Variants in GRIP1 observed in about 807,000 individuals in gnomAD.
GRIP1 encodes glutamate receptor interacting protein 1.
GRIP1 carries 45 observed loss-of-function variants against 129.9 expected under a neutral mutation model. The ratio of observed to expected loss-of-function variants is 0.35; its 90% CI spans 0.27 to 0.44. GRIP1 has a LOEUF of 0.44. GRIP1 is among the 20% of genes least tolerant of loss of function. The pLI, the probability that GRIP1 is intolerant of heterozygous loss-of-function variation, is 1.00. For missense variants in GRIP1, 1,196 were observed against 1,396.8 expected (o/e 0.86, Z 2.29); for synonymous variants, 530 against 520.8 (o/e 1.02, Z -0.24).
chr12:66,553,821 C>G (rs973430983), intron 2 of GRIP1, among the ~76,000 whole-genome samples: 1 of 151,870 alleles, frequency 6.6e-6, no homozygotes, highest in Non-Finnish European at 1.5e-5. Context: ...AAAGCAATAC[C>G]AAGCAGAAGT....
intron 7 of GRIP1, among the ~76,000 whole-genome samples, chr12:66,484,780 G>C (rs935843293): frequency 1.3e-5 from 2 of 152,132 alleles, no homozygotes; most frequent in African/African-American, 4.8e-5. Flanking sequence ...GGTGACTATA[G>C]TTACCAACAC....
At chr12:66,423,467 C>T (rs904058701) in intron 14 of GRIP1, among the ~76,000 whole-genome samples, 12 of 152,228 alleles carry the variant, frequency 7.9e-5, no homozygotes, top group Admixed American at 7.9e-4. Context: ...GCTGATCTCA[C>T]TCACTGAGTT....
At chr12:67,065,294 G>C (rs1387396542) in intron 1 of GRIP1, 1 of 152,126 alleles carries the variant, frequency 6.6e-6, no homozygotes, top group African/African-American at 2.4e-5. Context: ...TGCAGTGATT[G>C]CACCACTGCA....
At chr12:66,992,170 AT>A (rs1214973946) in intron 1 of GRIP1, among the ~76,000 whole-genome samples, 1 of 152,196 alleles carries the variant, frequency 6.6e-6, no homozygotes, top group Non-Finnish European at 1.5e-5. Context: ...TTAAAGCATA[AT>A]TTATGAACGT....
At chr12:66,456,427 C>T (rs989990837) in intron 9 of GRIP1, 85 bp from the exon 10 acceptor site, 1 of 628,738 alleles carries the variant, frequency 1.6e-6, no homozygotes, top group Non-Finnish European at 2.4e-6. Flanking sequence ...ACTGAATTGC[C>T]CAAATTAAAA....
At chr12:66,387,214 T>C (rs756208045) in intron 19 of GRIP1, among the ~76,000 whole-genome samples, 1 of 152,212 alleles carries the variant, frequency 6.6e-6, no homozygotes, top group Admixed American at 6.5e-5. Context: ...ATGCACTGCA[T>C]GGCTGGTGGC....
At chr12:66,964,457 T>C (rs2041967702) in intron 1 of GRIP1, among the ~76,000 whole-genome samples, 1 of 152,120 alleles carries the variant, frequency 6.6e-6, no homozygotes, top group African/African-American at 2.4e-5. Flanking sequence ...ACCCACACCC[T>C]AGAATTCATC....
chr12:66,687,497 C>A lies in GRIP1; in HGVS notation c.-419-57161G>T, dbSNP rs572102826. Among the ~76,000 whole-genome samples the A allele has an allele frequency of 2.2e-4, 34 of 152,040 alleles. 1 individual carries two copies. Among genetic ancestry groups the A allele is most frequent in the Non-Finnish European group, 4.3e-4 (29 of 67,978 alleles). The stretch of plus-strand genomic sequence containing the variant: ...GGGTAAAAGTGACTGAGCACACCCC[C>A]TATGCCAGCCACCATGATGGGCCCT... On this transcript the variant is annotated intron_variant, in intron 1 of 4. Coordinates refer to the GRIP1 transcript ENST00000538373.
At chr12:66,366,012 A>G (rs181586103) in intron 23 of GRIP1, among the ~76,000 whole-genome samples, 10 of 152,334 alleles carry the variant, frequency 6.6e-5, no homozygotes, top group South Asian at 2.1e-4. Context: ...TAGGAAGCCT[A>G]TGTTCTCTCT....
At chr12:66,520,568 T>C (rs1172157720) in intron 5 of GRIP1, among the ~76,000 whole-genome samples, 1 of 152,186 alleles carries the variant, frequency 6.6e-6, no homozygotes, top group Non-Finnish European at 1.5e-5. Flanking sequence ...CATTCACTTA[T>C]TAAGTGCCTC....
intron 1 of GRIP1, among the ~76,000 whole-genome samples, chr12:66,613,401 C>A (rs1197981472): frequency 6.6e-6 from 1 of 152,128 alleles, no homozygotes; most frequent in African/African-American, 2.4e-5. Flanking sequence ...CACCCCAAAT[C>A]TGAGATGTAC....
intron 1 of GRIP1, among the ~76,000 whole-genome samples, chr12:66,993,967 CA>C (rs1254249728): frequency 6.6e-6 from 1 of 151,944 alleles, no homozygotes; most frequent in Non-Finnish European, 1.5e-5. Context: ...CAAGAAGAAA[CA>C]GAAAATCTGA....
rs1248824999 is a variant in GRIP1, at chr12:66,930,039, TTCTC to T, written c.58+139007_58+139010del. 1.5e-3 allele frequency among the ~76,000 whole-genome samples: 217 copies of T among 143,408 alleles called. 1 individual carries two copies. The highest frequency in any genetic ancestry group is 4.5e-3 in the African/African-American group (176 of 38,850). 94.1% of individuals were successfully genotyped at this position (143,408 alleles called of 152,430 possible). ...TGCTCATGTTGCCCAGTTACCCAGGTTCTCTCTCTCTCTCTCTTTTTTTTTTTTT... is the reference window on the plus strand; with the variant it reads ...TGCTCATGTTGCCCAGTTACCCAGGTTCTCTCTCTCTCTTTTTTTTTTTTT... On this transcript the variant is annotated intron_variant, in intron 1 of 1. Coordinates refer to the GRIP1 transcript ENST00000643019.
intron 1 of GRIP1, among the ~76,000 whole-genome samples, chr12:66,716,962 A>T (rs2035908722): frequency 6.6e-6 from 1 of 152,208 alleles, no homozygotes; most frequent in South Asian, 2.1e-4. Context: ...AACACAGCCC[A>T]GGCAAGAAAT....
intron 1 of GRIP1, among the ~76,000 whole-genome samples, chr12:67,032,055 C>T (rs1343335289): frequency 1.3e-5 from 2 of 152,114 alleles, no homozygotes; most frequent in Non-Finnish European, 2.9e-5. Flanking sequence ...AGACAGGATG[C>T]TCTCCATAAA....
At chr12:66,688,684 A>G (rs1318605643) in intron 1 of GRIP1, among the ~76,000 whole-genome samples, 1 of 150,086 alleles carries the variant, frequency 6.7e-6, no homozygotes, top group Admixed American at 6.7e-5. Context: ...AGTGCCTATT[A>G]TTTTCCACTT....
At chr12:66,629,771 T>C (rs1470755576) in intron 1 of GRIP1, among the ~76,000 whole-genome samples, 1 of 152,222 alleles carries the variant, frequency 6.6e-6, no homozygotes, top group Non-Finnish European at 1.5e-5. Flanking sequence ...ACATAGAGCC[T>C]TCATTTGAAA....
intron 13 of GRIP1, among the ~76,000 whole-genome samples, chr12:66,439,233 A>G (rs772687306): frequency 2.0e-5 from 3 of 152,114 alleles, no homozygotes; most frequent in Non-Finnish European, 4.4e-5. Flanking sequence ...CCTCCATTAC[A>G]CTGTGTTCCC....
chr12:66,599,521 A>G (rs565712389), intron 1 of GRIP1, among the ~76,000 whole-genome samples: 1 of 152,176 alleles, frequency 6.6e-6, no homozygotes, highest in Non-Finnish European at 1.5e-5. Flanking sequence ...TACCCATCAC[A>G]GAATAAACAC....
Sources: allele counts gnomAD v4.1 joint callset (sites outside exome capture counted in the v4.1 genomes callset), GRCh38; gene constraint gnomAD v4.1.1; transcripts MANE v1.5; gene names NCBI Gene and HGNC (gene_info 2026-07-23, HGNC 2026-07-21).